Variants in NBAS observed in about 807,000 individuals in gnomAD.
NBAS encodes the protein NBAS subunit of NRZ tethering complex.
NBAS carries 219 observed loss-of-function variants against 302.5 expected under a neutral mutation model. The ratio of observed to expected loss-of-function variants is 0.72; its 90% CI spans 0.65 to 0.81. The LOEUF is 0.81. Among genes scored for constraint, NBAS ranks in the 30% least tolerant of loss-of-function variants. NBAS has a pLI of 0.00. For missense variants in NBAS, 2,932 were observed against 2,841.6 expected, an observed-to-expected ratio of 1.03 and a Z score of -0.72; for synonymous variants, 1,118 against 1,021.6, an observed-to-expected ratio of 1.09 and a Z score of -1.80.
intron 40 of NBAS, among the ~76,000 whole-genome samples, chr2:15,300,721 G>A (rs992640841): frequency 4.6e-5 from 7 of 152,316 alleles, no homozygotes; most frequent in South Asian, 2.1e-4. Flanking sequence ...CACACTGAGC[G>A]GAGAGAGATG....
chr2:15,069,474 G>C, the NBAS span, among the ~76,000 whole-genome samples: 1 of 151,778 alleles, frequency 6.6e-6, no homozygotes, highest in Non-Finnish European at 1.5e-5. Context: ...TTTTCTGAAC[G>C]ATCTCTATCC....
intron 49 of NBAS, 150 bp from the exon 50 acceptor site, chr2:15,187,030 A>G: frequency 8.4e-7 from 1 of 1,186,998 alleles, no homozygotes; most frequent in South Asian, 1.3e-5. Context: ...AGAAAAGATA[A>G]CACCTTAAGG....
chr2:14,944,883 A>C, the NBAS span, among the ~76,000 whole-genome samples: 1 of 152,134 alleles, frequency 6.6e-6, no homozygotes, highest in Non-Finnish European at 1.5e-5. Context: ...TGCCCACCTG[A>C]ATCTCACTTT....
chr2:15,194,365 T>C (rs919685312), intron 48 of NBAS, among the ~76,000 whole-genome samples: 9 of 152,098 alleles, frequency 5.9e-5, no homozygotes, highest in African/African-American at 2.2e-4. Flanking sequence ...GGATTTATTA[T>C]CCAAAATCAT....
the NBAS span, among the ~76,000 whole-genome samples, chr2:15,147,979 G>A: frequency 6.6e-6 from 1 of 151,926 alleles, no homozygotes; most frequent in African/African-American, 2.4e-5. Flanking sequence ...GAACCTCCTG[G>A]TGCCTTGCTC....
the NBAS span, among the ~76,000 whole-genome samples, chr2:15,119,253 A>G: frequency 6.6e-6 from 1 of 150,806 alleles, no homozygotes; most frequent in Non-Finnish European, 1.5e-5. Context: ...TGAGAGTGAG[A>G]CCTGGTCTCT....
At position 15,391,088 on chromosome 2, in the gene NBAS, C is replaced by T. The variant is rs578083383; in HGVS notation, c.3257+3139G>A. On this transcript the variant is annotated intron_variant, in intron 28 of 51. Transcript: ENST00000281513. ...TCGCACCACTGCACTCTAGCCTGGGCGACAGAGCAAGATTCCATCTCAAAA... is the reference window on the plus strand; with the variant it reads ...TCGCACCACTGCACTCTAGCCTGGGTGACAGAGCAAGATTCCATCTCAAAA... Among the ~76,000 whole-genome samples the T allele has an allele frequency of 1.1e-4, 16 of 150,440 alleles. 1 individual carries two copies. The South Asian group carries it at 2.7e-3, about 26-fold the overall frequency.
chr2:15,154,987 T>C, the NBAS span, among the ~76,000 whole-genome samples: 1 of 152,120 alleles, frequency 6.6e-6, no homozygotes, highest in Non-Finnish European at 1.5e-5. Flanking sequence ...TGCTGATGAG[T>C]AATTAAATGT....
chr2:14,973,138 C>T, the NBAS span, among the ~76,000 whole-genome samples: 1,363 of 152,282 alleles, frequency 9.0e-3, 24 homozygotes, highest in African/African-American at 0.03. Flanking sequence ...AGTTATAATG[C>T]ACCTCAGCCC....
Position 15,308,368 on chromosome 2 carries a change from G to A in NBAS, c.4660-15C>T. ...GCATCTAACACCTAGGAGGGAACATGTTAGAATTAACTCAGCTGAAAGGAA... is the reference window on the plus strand; with the variant it reads ...GCATCTAACACCTAGGAGGGAACATATTAGAATTAACTCAGCTGAAAGGAA... On this transcript the variant is annotated splice_polypyrimidine_tract_variant and intron_variant, in intron 39 of 51. Transcript: ENST00000281513. The A allele has an allele frequency of 6.2e-7, 1 of 1,613,422 alleles. No homozygotes were observed. Among genetic ancestry groups the A allele is most frequent in the Non-Finnish European group, 8.5e-7 (1 of 1,179,690 alleles).
chr2:15,368,385 C>T (rs1201901390), intron 31 of NBAS, among the ~76,000 whole-genome samples: 3 of 151,490 alleles, frequency 2.0e-5, no homozygotes, highest in South Asian at 2.1e-4. Flanking sequence ...TTCTTAGTAG[C>T]GACGGGGTTT....
the NBAS span, among the ~76,000 whole-genome samples, chr2:14,853,677 G>A: frequency 6.0e-5 from 6 of 99,690 alleles, 1 homozygote; most frequent in Non-Finnish European, 1.2e-4. Context: ...CAACCCAAAT[G>A]TCCAACAATG....
chr2:15,086,197 G>A, the NBAS span, among the ~76,000 whole-genome samples: 1 of 152,154 alleles, frequency 6.6e-6, no homozygotes. Context: ...AGCTAGAGCA[G>A]GGCAGACATC....
chr2:15,312,902 A>C (rs536247871), intron 38 of NBAS, among the ~76,000 whole-genome samples: 8 of 152,312 alleles, frequency 5.3e-5, no homozygotes, highest in African/African-American at 1.9e-4. Context: ...CACAAACTCT[A>C]GGCTTTAATT....
chr2:15,295,721 T>C lies in NBAS; in HGVS notation c.4798-2955A>G, dbSNP rs552152465. On this transcript the variant is annotated intron_variant, in intron 40 of 51. Transcript: ENST00000281513. ...GCAGAGATCATGTGTATATCATAAT[T>C]TGCAGAACACAGCACAGTCTCTTGC... is the stretch of plus-strand genomic sequence containing the variant. 1.2e-4 allele frequency among the ~76,000 whole-genome samples: 19 copies of C among 152,310 alleles called. No individual in the cohort carries two copies. The South Asian group carries it at 2.5e-3, about 20-fold the overall frequency.
chr2:15,324,603 T>C (rs1671978567), intron 38 of NBAS, among the ~76,000 whole-genome samples: 1 of 152,158 alleles, frequency 6.6e-6, no homozygotes, highest in Non-Finnish European at 1.5e-5. Flanking sequence ...GGTTTGCCTA[T>C]CATAGCGCCT....
chr2:14,967,141 T>G, the NBAS span, among the ~76,000 whole-genome samples: 284 of 152,306 alleles, frequency 1.9e-3, 1 homozygote, highest in African/African-American at 6.7e-3. Context: ...CTGAGATATA[T>G]TTAAGAAGAC....
At chr2:15,321,722 C>T (rs1272908881) in intron 38 of NBAS, among the ~76,000 whole-genome samples, 3 of 152,046 alleles carry the variant, frequency 2.0e-5, no homozygotes, top group South Asian at 2.1e-4. Context: ...GAATGGCGAT[C>T]GTTAAAAAGT....
At chr2:15,211,210 C>A (rs1040056929) in intron 48 of NBAS, among the ~76,000 whole-genome samples, 2 of 151,974 alleles carry the variant, frequency 1.3e-5, no homozygotes, top group African/African-American at 4.8e-5. Context: ...GCACTGCATG[C>A]CTGTATCAAG....
Sources: allele counts gnomAD v4.1 joint callset (sites outside exome capture counted in the v4.1 genomes callset), GRCh38; gene constraint gnomAD v4.1.1; transcripts MANE v1.5; gene names NCBI Gene and HGNC (gene_info 2026-07-23, HGNC 2026-07-21).